DOP1B: variants seen among roughly 807,000 people sequenced by gnomAD.
DOP1B encodes the protein protein DOP1B.
A neutral mutation model predicts 233.5 loss-of-function variants in DOP1B; 174 were observed. The observed-to-expected ratio is 0.75, with a 90% CI of 0.66 to 0.85. The LOEUF (loss-of-function observed/expected upper bound fraction) is 0.85, where lower values mean the gene tolerates loss of function less well. Among genes scored for constraint, DOP1B ranks in the 40% least tolerant of loss-of-function variants. The pLI is 0.00. For synonymous variants in DOP1B, 1,190 were observed against 1,185.6 expected (o/e 1.00, Z -0.08); for missense variants, 2,652 against 2,846.6 (o/e 0.93, Z 1.56).
intron 4 of DOP1B, among the ~76,000 whole-genome samples, 158 bp downstream of exon 4, chr21:36,200,659 C>G (rs2066353342): frequency 6.6e-6 from 1 of 152,060 alleles, no homozygotes; most frequent in Non-Finnish European, 1.5e-5. Flanking sequence ...CTGGCTAACA[C>G]GATGAAACCC....
At position 36,246,468 on chromosome 21, in the gene DOP1B, G is replaced by A. The variant is rs763566505; in HGVS notation, c.4488G>A (p.Gln1496=). 1.9e-6 allele frequency: 3 copies of A among 1,614,040 alleles called. No homozygotes were observed. The East Asian group carries it at 6.7e-5, about 36-fold the overall frequency. ...TGCAGCCCCACCCCCTCACCTCCCA[G>A]GGTCTTCTGGTCTCTGCGGTGGTGA... ...QYVQPHPLTS[Q]GLLVSAVVRG... is the part of the protein sequence containing the mutation. Residue 1496 remains glutamine, a synonymous_variant, in exon 19 of 37, where the codon CAG becomes CAA. Transcript: ENST00000691173. The surrounding 1 kb of genome is among the most constrained non-coding windows in gnomAD (Gnocchi z 5.1).
chr21:36,192,095 A>C (rs1382712149), intron 2 of DOP1B, among the ~76,000 whole-genome samples: 1 of 151,926 alleles, frequency 6.6e-6, no homozygotes, highest in Non-Finnish European at 1.5e-5. Context: ...ATGGTGGCTC[A>C]TGCCTATAAT....
rs1161248781 is a variant in DOP1B, at chr21:36,233,847, A to G, written c.2622+772A>G. Among the ~76,000 whole-genome samples the G allele has an allele frequency of 9.2e-5, 14 of 151,938 alleles. No individual in the cohort carries two copies. The East Asian group carries it at 1.7e-3, about 19-fold the overall frequency. ...TGGGGGAGCTTTTACTTAATTGCTC[A>G]TTGACTTTTTTTGTTGTTGTTGTTG... On this transcript the variant is annotated intron_variant, in intron 15 of 36. Transcript: ENST00000691173.
At chr21:36,169,196 T>A in intron 2 of DOP1B, 1 of 1,038,672 alleles carries the variant, frequency 9.6e-7, no homozygotes. Flanking sequence ...CATAACAGAG[T>A]TATTGGTCAC....
intron 18 of DOP1B, among the ~76,000 whole-genome samples, chr21:36,242,633 C>T (rs2066905241): frequency 6.6e-6 from 1 of 152,126 alleles, no homozygotes; most frequent in Non-Finnish European, 1.5e-5. Flanking sequence ...TTTAAAAGTT[C>T]CCCAGCACTA....
intron 21 of DOP1B, among the ~76,000 whole-genome samples, chr21:36,249,384 C>T (rs1238830428): frequency 1.3e-5 from 2 of 152,154 alleles, no homozygotes; most frequent in Non-Finnish European, 2.9e-5. Flanking sequence ...GCTGAGATCA[C>T]GCCAGTGCAC....
rs138434036 is a variant in DOP1B at position 36,206,127 on chromosome 21, G to A, written c.492-2588G>A. 2.1e-3 allele frequency among the ~76,000 whole-genome samples: 327 copies of A among 152,102 alleles called. 1 individual carries two copies. Among genetic ancestry groups the A allele is most frequent in the African/African-American group, 7.7e-3 (318 of 41,510 alleles). On this transcript the variant is annotated intron_variant, in intron 4 of 36. Transcript: ENST00000691173. ...AGGAAGTTATTTCGTTTTTAACCCCGTTTATTTTGCTCTCTCATACCAAAG... is the reference window on the plus strand; with the variant it reads ...AGGAAGTTATTTCGTTTTTAACCCCATTTATTTTGCTCTCTCATACCAAAG...
intron 11 of DOP1B, among the ~76,000 whole-genome samples, chr21:36,223,727 T>G (rs974482862): frequency 6.6e-6 from 1 of 152,174 alleles, no homozygotes; most frequent in East Asian, 1.9e-4. Flanking sequence ...TTGAAACTCT[T>G]GCTGAAATGA....
chr21:36,187,986 G>T (rs541346557), intron 2 of DOP1B, among the ~76,000 whole-genome samples: 1 of 152,022 alleles, frequency 6.6e-6, no homozygotes, highest in African/African-American at 2.4e-5. Flanking sequence ...CAAGCAGCAT[G>T]GTAATTTTAA....
chr21:36,219,645 G>A (rs989005942), intron 10 of DOP1B, among the ~76,000 whole-genome samples, 153 bp downstream of exon 10: 10 of 152,146 alleles, frequency 6.6e-5, no homozygotes, highest in African/African-American at 2.4e-4. Context: ...ATGCGTTGAA[G>A]TCAGTCCATG....
At chr21:36,251,022 A>G (rs2067026597) in intron 21 of DOP1B, 140 bp from the exon 22 acceptor site, 1 of 1,173,814 alleles carries the variant, frequency 8.5e-7, no homozygotes, top group Admixed American at 2.6e-5. Context: ...TCCACCCATC[A>G]GGGAAGCACC....
chr21:36,191,955 A>G (rs1053877338), intron 2 of DOP1B, among the ~76,000 whole-genome samples: 3 of 152,170 alleles, frequency 2.0e-5, no homozygotes, highest in Non-Finnish European at 4.4e-5. Flanking sequence ...AAGTACATTC[A>G]TATTGTGTAT....
chr21:36,194,987 A>G (rs575375000), intron 2 of DOP1B, among the ~76,000 whole-genome samples: 103 of 151,584 alleles, frequency 6.8e-4, no homozygotes, highest in African/African-American at 2.0e-3. Flanking sequence ...AGGTGGATCA[A>G]TTGAGCCCAG....
rs935191724 is a variant in DOP1B at position 36,288,029 on chromosome 21, A to G, written c.6176A>G (p.Asn2059Ser). 1.2e-6 allele frequency: 2 copies of G among 1,613,338 alleles called. No homozygotes were observed. Among genetic ancestry groups the G allele is most frequent in the African/African-American group, 1.3e-5 (1 of 74,896 alleles). Reference protein sequence around the residue: ...LPLIQERLTDNLRVGQTSIVA... With the variant: ...LPLIQERLTDSLRVGQTSIVA... ...CTTTCCTTAGAACGCCTGACAGACA[A>G]TCTCAGAGTTGGACAGACATCCATA... Residue 2059 changes from asparagine (N) to serine (S), a missense_variant, in exon 33 of 37, where the codon AAT becomes AGT. Transcript: ENST00000691173.
In DOP1B at chr21:36,230,820, A is replaced by G. The variant is rs1354200964; in HGVS notation, c.2036A>G (p.Lys679Arg). The part of the protein sequence containing the change: ...QSLAANDSSR[K>R]NSWEPKPITV... Reference sequence around the variant, plus strand: ...CTGGCAGCCAATGATTCCAGCAGGAAGAACTCTTGGGAGCCCAAGCCCATC... The same window carrying G: ...CTGGCAGCCAATGATTCCAGCAGGAGGAACTCTTGGGAGCCCAAGCCCATC... Residue 679 changes from lysine (K) to arginine (R), a missense_variant, in exon 14 of 37, where the codon AAG becomes AGG. Physicochemically the swap from Lys to Arg is conservative, Grantham distance 26. Coordinates refer to ENST00000691173, the MANE Select transcript of DOP1B (RefSeq NM_001320714.2). 2.5e-6 allele frequency: 4 copies of G among 1,614,150 alleles called. No homozygotes were observed. The highest frequency in any genetic ancestry group is 8.5e-7 in the Non-Finnish European group (1 of 1,180,004).
At chr21:36,283,520 G>A (rs779897122) in intron 32 of DOP1B, among the ~76,000 whole-genome samples, 1 of 152,198 alleles carries the variant, frequency 6.6e-6, no homozygotes, top group Non-Finnish European at 1.5e-5. Context: ...TTTTTACCTT[G>A]TAATATCTTG....
At chr21:36,287,697 C>G (rs1306500039) in intron 32 of DOP1B, among the ~76,000 whole-genome samples, 1 of 148,122 alleles carries the variant, frequency 6.8e-6, no homozygotes, top group Non-Finnish European at 1.5e-5. Flanking sequence ...AGCGATTCTC[C>G]TGCCTCAGCC....
intron 27 of DOP1B, among the ~76,000 whole-genome samples, 172 bp downstream of exon 27, chr21:36,270,329 G>GGTGATTACAA (rs2067273100): frequency 6.6e-5 from 10 of 151,960 alleles, no homozygotes; most frequent in African/African-American, 2.2e-4. Flanking sequence ...GAGATGGGCA[G>GGTGATTACAA]ATAAAGCAAG....
intron 2 of DOP1B, among the ~76,000 whole-genome samples, chr21:36,184,081 C>G (rs1405364568): frequency 4.6e-5 from 7 of 151,864 alleles, no homozygotes. Context: ...CAGAGTCATA[C>G]TCTGTCGTCC....
Sources: gnomAD v4.1 joint callset for allele counts (sites outside exome capture counted in the v4.1 genomes callset) on GRCh38, gnomAD v4.1.1 for gene constraint, Gnocchi (gnomAD v3.1) non-coding constraint, MANE v1.5 for transcripts, NCBI Gene and HGNC (gene_info 2026-07-23, HGNC 2026-07-21) for gene names.